The following GLI2 variants were observed in gnomAD, a reference collection of about 807,000 sequenced individuals.
GLI2 encodes the protein transcription activator GLI2.
GLI2 carries 22 observed loss-of-function variants against 78.9 expected under a neutral mutation model. That is an observed-to-expected ratio of 0.28 (90% CI 0.20 to 0.40). The LOEUF is 0.40. Ranked by LOEUF, GLI2 falls within the 10% of genes least tolerant of loss-of-function variation. The pLI is 1.00. For synonymous variants in GLI2, 974 were observed against 963.7 expected (o/e 1.01, Z -0.20); for missense variants, 2,097 against 2,213.2 (o/e 0.95, Z 1.05).
chr2:120,766,423 C>G (rs536018933), intron 1 of GLI2, among the ~76,000 whole-genome samples: 1 of 152,278 alleles, frequency 6.6e-6, no homozygotes, highest in Admixed American at 6.5e-5. Context: ...GAGCATTTTC[C>G]GGGCTGGAGA....
intron 2 of GLI2, among the ~76,000 whole-genome samples, chr2:120,840,363 T>C (rs1162120248): frequency 6.6e-6 from 1 of 152,256 alleles, no homozygotes; most frequent in Non-Finnish European, 1.5e-5. Context: ...ATAATGCTCT[T>C]TGTGGTATCT....
intron 2 of GLI2, among the ~76,000 whole-genome samples, chr2:120,881,078 G>A (rs1454864120): frequency 6.6e-6 from 1 of 152,170 alleles, no homozygotes; most frequent in Non-Finnish European, 1.5e-5. Context: ...GATGGTCGGT[G>A]GAATTAACTA....
chr2:120,943,092 CAGG>C (rs1248009446), intron 3 of GLI2, among the ~76,000 whole-genome samples: 4 of 152,222 alleles, frequency 2.6e-5, no homozygotes, highest in African/African-American at 9.7e-5. Context: ...ATACAGGAGA[CAGG>C]AGGCCTGTGA....
chr2:120,783,866 A>G (rs1421405106), intron 1 of GLI2, among the ~76,000 whole-genome samples: 5 of 152,216 alleles, frequency 3.3e-5, no homozygotes, highest in South Asian at 2.1e-4. Flanking sequence ...AAAACTAGCA[A>G]GCTTCAAAGA....
chr2:120,741,976 G>A (rs899774873), intron 1 of GLI2, among the ~76,000 whole-genome samples: 1 of 152,226 alleles, frequency 6.6e-6, no homozygotes, highest in Non-Finnish European at 1.5e-5. Flanking sequence ...GGGTTCCGAG[G>A]GGCGCCCCGG....
intron 2 of GLI2, among the ~76,000 whole-genome samples, chr2:120,896,638 TACACAC>T (rs149519455): frequency 8.4e-5 from 10 of 119,412 alleles, no homozygotes; most frequent in South Asian, 8.1e-4. Context: ...AAAACACACA[TACACAC>T]ACACACACAC....
chr2:120,768,078 T>G (rs1480356597), intron 1 of GLI2, among the ~76,000 whole-genome samples: 1 of 152,168 alleles, frequency 6.6e-6, no homozygotes, highest in African/African-American at 2.4e-5. Context: ...CTATTTTTAC[T>G]CTTGTCTGAA....
intron 1 of GLI2, among the ~76,000 whole-genome samples, chr2:120,764,201 A>C (rs1683300661): frequency 1.3e-5 from 2 of 152,236 alleles, no homozygotes; most frequent in Admixed American, 6.5e-5. Context: ...GCGAAGTGGC[A>C]GAGCTGACTG....
At chr2:120,969,559 G>A (rs1250009231) in intron 6 of GLI2, among the ~76,000 whole-genome samples, 1 of 152,240 alleles carries the variant, frequency 6.6e-6, no homozygotes, top group Non-Finnish European at 1.5e-5. Flanking sequence ...TTGCTCCAAC[G>A]CATAGCAGTT....
chr2:120,963,442 T>A (rs1423190688), intron 5 of GLI2, among the ~76,000 whole-genome samples: 1 of 151,314 alleles, frequency 6.6e-6, no homozygotes, highest in Non-Finnish European at 1.5e-5. Flanking sequence ...GCATCTTGTG[T>A]GTGTGTGTGT....
rs978189731 is a variant in GLI2, at chr2:120,988,862, G to T, written c.2897G>T (p.Arg966Leu). 8 of 1,494,082 alleles carry T rather than the reference G, an allele frequency of 5.4e-6. No homozygotes were observed. The highest frequency in any genetic ancestry group is 1.8e-4 in the Middle Eastern group (1 of 5,426). 92.6% of individuals were successfully genotyped at this position (1,494,082 alleles called of 1,614,324 possible). A position where few individuals can be genotyped will look rare whatever the true frequency, so the allele number is the denominator to read the frequency against. ...VRRPDALSLP[R>L]VQRFHSTHNV... Reference sequence around the variant, plus strand: ...CGGCCCGATGCCCTGTCCCTGCCGCGGGTGCAGCGCTTCCACAGCACCCAC... The same window carrying T: ...CGGCCCGATGCCCTGTCCCTGCCGCTGGTGCAGCGCTTCCACAGCACCCAC... The change falls in exon 14 of 14, where the codon CGG (arginine) becomes CTG (leucine). Residue 966 changes from arginine (R) to leucine (L), a missense_variant. By Grantham distance (102) the Arg-to-Leu change is moderately radical. This residue lies in a region of GLI2 where 1,290 missense variants were observed against 1,261.7 expected (regional missense o/e 1.02). Transcript: ENST00000361492.
At chr2:120,816,833 A>G (rs547703507) in intron 2 of GLI2, among the ~76,000 whole-genome samples, 1 of 152,326 alleles carries the variant, frequency 6.6e-6, no homozygotes, top group Admixed American at 6.5e-5. Flanking sequence ...AGAGGAGGGT[A>G]TTTTAAAAGC....
intron 1 of GLI2, among the ~76,000 whole-genome samples, chr2:120,783,963 A>G (rs1573374515): frequency 2.0e-5 from 3 of 152,132 alleles, no homozygotes; most frequent in African/African-American, 7.2e-5. Flanking sequence ...CTTCCAAGAT[A>G]CCAGCGACGA....
intron 1 of GLI2, among the ~76,000 whole-genome samples, chr2:120,783,032 A>G (rs1277800714): frequency 6.6e-6 from 1 of 151,920 alleles, no homozygotes; most frequent in Non-Finnish European, 1.5e-5. Context: ...GAGAGGGGGA[A>G]GGAGCAAGCA....
At chr2:120,789,314 G>C (rs1215800194) in intron 1 of GLI2, among the ~76,000 whole-genome samples, 1 of 152,052 alleles carries the variant, frequency 6.6e-6, no homozygotes, top group Non-Finnish European at 1.5e-5. Flanking sequence ...GTGAGCCACC[G>C]CGCCCAGTCT....
At chr2:120,848,444 G>A (rs1687229267) in intron 2 of GLI2, among the ~76,000 whole-genome samples, 1 of 152,162 alleles carries the variant, frequency 6.6e-6, no homozygotes, top group Admixed American at 6.6e-5. Flanking sequence ...ACTCGCCCCT[G>A]GGGTTGTCCC....
At chr2:120,796,175 C>G (rs751280668) in intron 1 of GLI2, among the ~76,000 whole-genome samples, 2 of 152,190 alleles carry the variant, frequency 1.3e-5, no homozygotes, top group Non-Finnish European at 2.9e-5. Flanking sequence ...CGGAAGTTGC[C>G]CATGCCCCGA....
At chr2:120,765,431 G>A (rs2104650296) in intron 1 of GLI2, among the ~76,000 whole-genome samples, 1 of 152,348 alleles carries the variant, frequency 6.6e-6, no homozygotes. Flanking sequence ...TCAACCCAGG[G>A]GAGTCAAATG....
In GLI2 at chr2:120,955,276, G is replaced by T. The variant is rs1372489223; in HGVS notation, c.489G>T (p.Leu163=). ...VAQEHLKERG[L]FGLPAPGTTP... is the part of the protein sequence containing the mutation. ...AGGAGCACCTTAAGGAGAGGGGACT[G>T]TTTGGCCTTCCTGCTCCAGGCACCA... is the stretch of plus-strand genomic sequence containing the variant. The change falls in exon 5 of 14, where the codon CTG becomes CTT. Residue 163 remains leucine, a synonymous_variant. Coordinates refer to ENST00000361492, the MANE Select transcript of GLI2 (RefSeq NM_001374353.1). 1.3e-6 allele frequency: 2 copies of T among 1,598,680 alleles called. No homozygotes were observed. Among genetic ancestry groups the T allele is most frequent in the Non-Finnish European group, 1.7e-6 (2 of 1,175,488 alleles).
Sources: allele counts gnomAD v4.1 joint callset (sites outside exome capture counted in the v4.1 genomes callset), GRCh38; gene constraint gnomAD v4.1.1; regional missense constraint gnomAD v4.1.1; transcripts MANE v1.5; gene names NCBI Gene and HGNC (gene_info 2026-07-23, HGNC 2026-07-21).